ZNF564: variants seen among roughly 807,000 people sequenced by gnomAD.
ZNF564 encodes zinc finger protein 564.
A neutral mutation model predicts 10.5 loss-of-function variants in ZNF564; 5 were observed. The observed-to-expected ratio is 0.48, with a 90% CI of 0.25 to 1.00. The LOEUF is 1.00. Ranked by LOEUF, ZNF564 falls within the 50% of genes least tolerant of loss-of-function variation. ZNF564 has a pLI of 0.16. For synonymous variants in ZNF564, 242 were observed against 218.1 expected (o/e 1.11, Z -0.97); for missense variants, 603 against 669.7 (o/e 0.90, Z 1.10).
rs575505596 is a variant in ZNF564, at chr19:12,547,421, C to T, written c.3+3909G>A. Among the ~76,000 whole-genome samples the T allele has an allele frequency of 2.0e-5, 3 of 152,256 alleles. No homozygotes were observed. The South Asian group carries it at 6.2e-4, about 32-fold the overall frequency. On this transcript the variant is annotated intron_variant, in intron 1 of 3. Transcript: ENST00000339282. ...CTTGTATCTACTGCTTTCACCTTTT[C>T]GTTATACTCCTTTCACATAAAGTCA...
intron 1 of ZNF564, chr19:12,532,970 A>T (rs2021837829): frequency 6.6e-6 from 1 of 152,204 alleles, no homozygotes; most frequent in Admixed American, 6.6e-5. Flanking sequence ...ACAGGCAGAA[A>T]ATCTGAAAGG....
chr19:12,548,171 A>C, intron 1 of ZNF564: 3 of 981,342 alleles, frequency 3.1e-6, no homozygotes, highest in Non-Finnish European at 3.6e-6. Flanking sequence ...ACTCAAACTT[A>C]CCATTTATGT....
intron 1 of ZNF564, among the ~76,000 whole-genome samples, chr19:12,537,001 CTTGA>C (rs1035012474): frequency 1.3e-5 from 2 of 152,168 alleles, no homozygotes; most frequent in Non-Finnish European, 2.9e-5. Context: ...GTCCCCAGCC[CTTGA>C]TAAGCAGCAA....
chr19:12,546,675 G>A (rs2022160921), intron 1 of ZNF564, among the ~76,000 whole-genome samples: 2 of 152,248 alleles, frequency 1.3e-5, no homozygotes, highest in South Asian at 2.1e-4. Context: ...AGCTTGCAGT[G>A]AGCCAAGATC....
At chr19:12,528,499 T>A in intron 2 of ZNF564, 71 bp downstream of exon 2, 1 of 1,598,572 alleles carries the variant, frequency 6.3e-7, no homozygotes, top group Non-Finnish European at 8.5e-7. Flanking sequence ...TTAGACATCA[T>A]GAAAAAGCAT....
chr19:12,527,059 C>G lies in ZNF564; in HGVS notation c.1049G>C (p.Ser350Thr), dbSNP rs756592760. The G allele has an allele frequency of 6.2e-7, 1 of 1,614,022 alleles. No individual in the cohort carries two copies. Among genetic ancestry groups the G allele is most frequent in the Admixed American group, 1.7e-5 (1 of 60,000 alleles). ...AGTCCTTTCATGTGTTCGAACATTA[C>G]TGGAAGAACTGAAGGTTTTACCACA... ...NKCGKTFSSS[S>T]NVRTHERTHT... Residue 350 changes from serine (S) to threonine (T), a missense_variant, in exon 4 of 4, where the codon AGT (serine) becomes ACT (threonine). Physicochemically the swap from Ser to Thr is moderately conservative, Grantham distance 58. Coordinates refer to ENST00000339282, the MANE Select transcript of ZNF564 (RefSeq NM_144976.4).
intron 1 of ZNF564, among the ~76,000 whole-genome samples, chr19:12,541,019 A>T (rs2022035535): frequency 6.8e-6 from 1 of 147,940 alleles, no homozygotes; most frequent in South Asian, 2.1e-4. Flanking sequence ...AAAAAAAAAA[A>T]GACAGCATAG....
At chr19:12,531,886 T>C (rs927021766) in intron 1 of ZNF564, among the ~76,000 whole-genome samples, 3 of 152,256 alleles carry the variant, frequency 2.0e-5, no homozygotes, top group Admixed American at 6.5e-5. Flanking sequence ...GATGCTGTTA[T>C]AGTGGATTTT....
intron 1 of ZNF564, among the ~76,000 whole-genome samples, chr19:12,544,987 G>C (rs1484742968): frequency 6.6e-6 from 1 of 152,172 alleles, no homozygotes; most frequent in Admixed American, 6.6e-5. Flanking sequence ...AGCCGGGTGT[G>C]GTGGCTCATG....
Position 12,526,733 on chromosome 19 carries a change from C to T in ZNF564, c.1375G>A (p.Asp459Asn). The change falls in exon 4 of 4, where the codon GAC (aspartate) becomes AAC (asparagine). Residue 459 changes from aspartate (D) to asparagine (N), a missense_variant. Asp to Asn is a conservative substitution (Grantham distance 23). Transcript: ENST00000339282. Reference protein sequence around the residue: ...YKCQVCGKAFDCPSSVRTHER... With the variant: ...YKCQVCGKAFNCPSSVRTHER... ...TGTGTTCGGACAGAACTAGGACAGT[C>T]AAAGGCTTTACCACATACCTGACAT... 1.9e-6 allele frequency: 3 copies of T among 1,614,108 alleles called. No individual in the cohort carries two copies. Among genetic ancestry groups the T allele is most frequent in the Middle Eastern group, 3.3e-4 (2 of 6,062 alleles).
chr19:12,526,478 T>A lies in ZNF564; in HGVS notation c.1630A>T (p.Thr544Ser). ...TTTTCACAGGTATTCGAAGGTTGTGTGATAAATGAAAGCTTTCCCACATTC... is the reference window on the plus strand; with the variant it reads ...TTTTCACAGGTATTCGAAGGTTGTGAGATAAATGAAAGCTTTCCCACATTC... The part of the protein sequence containing the change: ...VKNVGKLSFI[T>S]QPSNTCENE Residue 544 changes from threonine to serine, a missense_variant, in exon 4 of 4, where the codon ACA becomes TCA. Thr to Ser is a moderately conservative substitution (Grantham distance 58). Coordinates refer to ENST00000339282, the MANE Select transcript of ZNF564 (RefSeq NM_144976.4). 6.2e-7 allele frequency: 1 copy of A among 1,605,432 alleles called. No homozygotes were observed. The highest frequency in any genetic ancestry group is 8.5e-7 in the Non-Finnish European group (1 of 1,176,480).
rs1343864692 is a variant in ZNF564 at position 12,525,807 on chromosome 19, G to C, written c.*639C>G. The C allele has an allele frequency of 6.6e-6, 1 of 152,270 alleles. No homozygotes were observed. Among genetic ancestry groups the C allele is most frequent in the African/African-American group, 2.4e-5 (1 of 41,434 alleles). The allele number at this position is 152,270 out of a possible 1,614,324, so 9.4% of individuals were successfully genotyped here. A position where few individuals can be genotyped will look rare whatever the true frequency, so the allele number is the denominator to read the frequency against. On this transcript the variant is annotated 3_prime_UTR_variant, in exon 4 of 4. Transcript: ENST00000339282. ...CACTGGCATAGTCCATGTCTGGTAA[G>C]GGCCTGCTTCCCGGTTCAAAGATAG...
intron 1 of ZNF564, among the ~76,000 whole-genome samples, chr19:12,545,522 G>A (rs980369492): frequency 2.6e-5 from 4 of 152,058 alleles, no homozygotes; most frequent in African/African-American, 9.7e-5. Context: ...TACAAGTTCA[G>A]GGCTCAGTCT....
At chr19:12,532,263 C>T (rs2861413) in intron 1 of ZNF564, among the ~76,000 whole-genome samples, 87,228 of 151,134 alleles carry the variant, frequency 0.58, 27,160 homozygotes, top group Non-Finnish European at 0.69. Flanking sequence ...TGGCCGGGCG[C>T]GGTGGCTCAC....
At chr19:12,543,113 C>G (rs1383685937) in intron 1 of ZNF564, among the ~76,000 whole-genome samples, 2 of 151,218 alleles carry the variant, frequency 1.3e-5, no homozygotes, top group Non-Finnish European at 2.9e-5. Context: ...CCAGCCTGGC[C>G]AAAACAGTGA....
chr19:12,548,254 G>A (rs1368324002), intron 1 of ZNF564: 14 of 910,386 alleles, frequency 1.5e-5, no homozygotes, highest in Non-Finnish European at 1.8e-5. Context: ...GTCTAGCTCT[G>A]TCGCCCAGGC....
chr19:12,549,622 T>C (rs575906463), intron 1 of ZNF564, among the ~76,000 whole-genome samples: 56 of 152,338 alleles, frequency 3.7e-4, no homozygotes, highest in African/African-American at 1.3e-3. Flanking sequence ...TAACCATCAA[T>C]GTGTCCCTAA....
chr19:12,532,065 A>G (rs1387704522), intron 1 of ZNF564, among the ~76,000 whole-genome samples: 1 of 152,150 alleles, frequency 6.6e-6, no homozygotes, highest in Non-Finnish European at 1.5e-5. Flanking sequence ...AAACACAGAG[A>G]TAAGCCAGGT....
intron 1 of ZNF564, among the ~76,000 whole-genome samples, chr19:12,533,727 C>CAAAAAAAAAAAAAAAAAAAAAAAAA (rs59631972): frequency 3.4e-5 from 1 of 29,184 alleles, no homozygotes; most frequent in Non-Finnish European, 5.5e-5. Flanking sequence ...CTGCTGTCTC[C>CAAAAAAAAAAAAAAAAAAAAAAAAA]AAAAAAAAAA....
Sources: allele counts gnomAD v4.1 joint callset (sites outside exome capture counted in the v4.1 genomes callset), GRCh38; gene constraint gnomAD v4.1.1; transcripts MANE v1.5; gene names NCBI Gene and HGNC (gene_info 2026-07-23, HGNC 2026-07-21).